CD109: variants seen among roughly 807,000 people sequenced by gnomAD.
The protein encoded by CD109 is CD109 antigen.
Under a neutral mutation model 165.8 loss-of-function variants are expected in CD109, and 149 were observed. That is an observed-to-expected ratio of 0.90 (90% CI 0.79 to 1.03). CD109 has a LOEUF of 1.03. Ranked by LOEUF, CD109 falls within the 50% of genes least tolerant of loss-of-function variation. The pLI, the probability that CD109 is intolerant of heterozygous loss-of-function variation, is 0.00. For missense variants in CD109, 1,712 were observed against 1,677.8 expected (o/e 1.02, Z -0.36); for synonymous variants, 585 against 592.1 (o/e 0.99, Z 0.18).
chr6:73,759,170 A>G (rs969565856), intron 7 of CD109, 142 bp downstream of exon 7: 25 of 612,478 alleles, frequency 4.1e-5, no homozygotes, highest in South Asian at 2.5e-4. Context: ...TTTATAATAA[A>G]TAATTAAGCA....
At chr6:73,767,053 C>T (rs1773881215) in intron 13 of CD109, 43 bp downstream of exon 13, 3 of 1,528,294 alleles carry the variant, frequency 2.0e-6, no homozygotes, top group Non-Finnish European at 2.7e-6. Context: ...ATTATAGAAT[C>T]ATCTTTTTAT....
intron 8 of CD109, 79 bp from the exon 9 acceptor site, chr6:73,762,662 T>C: frequency 1.7e-6 from 2 of 1,185,908 alleles, no homozygotes; most frequent in Non-Finnish European, 1.2e-6. Flanking sequence ...TATCATATTG[T>C]TGTGACTTAG....
At position 73,808,190 on chromosome 6, in the gene CD109, G is replaced by T; in HGVS notation, c.3297G>T (p.Val1099=). 2 of 1,613,486 alleles carry T rather than the reference G, an allele frequency of 1.2e-6. No homozygotes were observed. The highest frequency in any genetic ancestry group is 2.7e-5 in the African/African-American group (2 of 74,986). The part of the protein sequence containing the change: ...LALITYALSS[V]GSPKAKEALN... The stretch of plus-strand genomic sequence containing the variant: ...TTATAACTTATGCATTGTCATCAGT[G>T]GGGAGTCCTAAAGCGAAGGAAGCTT... Residue 1099 remains valine, a synonymous_variant, in exon 26 of 33, where the codon GTG becomes GTT. Coordinates refer to ENST00000287097, the MANE Select transcript of CD109 (RefSeq NM_133493.5).
chr6:73,806,803 A>T, intron 24 of CD109, 41 bp from the exon 25 acceptor site: 1 of 1,472,318 alleles, frequency 6.8e-7, no homozygotes, highest in Non-Finnish European at 9.4e-7. Context: ...GGTGGACCTT[A>T]TAAAGTGTAT....
chr6:73,736,655 G>C, intron 5 of CD109, 147 bp downstream of exon 5: 1 of 677,506 alleles, frequency 1.5e-6, no homozygotes, highest in Non-Finnish European at 2.3e-6. Flanking sequence ...TTTAATTTAT[G>C]ATGTTTATCA....
At chr6:73,761,072 A>ACACACACAC (rs1562051579) in intron 7 of CD109, among the ~76,000 whole-genome samples, 2 of 121,978 alleles carry the variant, frequency 1.6e-5, no homozygotes, top group African/African-American at 6.6e-5. Flanking sequence ...CACACACACA[A>ACACACACAC]ACCCAGAAAC....
intron 23 of CD109, among the ~76,000 whole-genome samples, chr6:73,795,185 C>T (rs772500315): frequency 9.7e-6 from 1 of 103,436 alleles, no homozygotes; most frequent in Admixed American, 1.0e-4. Context: ...ATTTGGCATA[C>T]ATTCTTTGGG....
intron 24 of CD109, among the ~76,000 whole-genome samples, 169 bp downstream of exon 24, chr6:73,803,470 A>G (rs1775452174): frequency 6.6e-6 from 1 of 152,180 alleles, no homozygotes; most frequent in Non-Finnish European, 1.5e-5. Flanking sequence ...TTATTTTCAA[A>G]CATTAACAAA....
At chr6:73,780,798 A>C (rs1373289709) in intron 16 of CD109, among the ~76,000 whole-genome samples, 1 of 120,286 alleles carries the variant, frequency 8.3e-6, no homozygotes, top group Non-Finnish European at 1.7e-5. Context: ...AATATATTTT[A>C]TGTATATATA....
At chr6:73,687,377 TTC>T in the CD109 span, among the ~76,000 whole-genome samples, 6 of 151,004 alleles carry the variant, frequency 4.0e-5, no homozygotes, top group Admixed American at 6.6e-5. Context: ...TCCTCTTTCT[TTC>T]TCTTTCTCCT....
intron 3 of CD109, 22 bp downstream of exon 3, chr6:73,723,301 T>C (rs1772028782): frequency 1.3e-6 from 2 of 1,597,004 alleles, no homozygotes; most frequent in East Asian, 4.5e-5. Flanking sequence ...TTTAAAAAAT[T>C]TGGTTTCAGA....
chr6:73,802,825 G>A lies in CD109; in HGVS notation c.2879-395G>A, dbSNP rs539231242. On this transcript the variant is annotated intron_variant, in intron 23 of 32. Coordinates refer to ENST00000287097, the MANE Select transcript of CD109 (RefSeq NM_133493.5). Reference sequence around the variant, plus strand: ...AGCGATTCTCCTGCCTCAGCCTCCCGAGTAGCTGGGATTACAGGCATGTGC... The same window carrying A: ...AGCGATTCTCCTGCCTCAGCCTCCCAAGTAGCTGGGATTACAGGCATGTGC... 4.0e-5 allele frequency among the ~76,000 whole-genome samples: 6 copies of A among 151,198 alleles called. No homozygotes were observed. The East Asian group carries it at 5.9e-4, about 15-fold the overall frequency.
intron 2 of CD109, among the ~76,000 whole-genome samples, chr6:73,706,578 C>T (rs768009757): frequency 6.6e-6 from 1 of 152,150 alleles, no homozygotes; most frequent in Non-Finnish European, 1.5e-5. Context: ...TGGTCTTGCT[C>T]TATCTCTTTC....
intron 2 of CD109, among the ~76,000 whole-genome samples, chr6:73,707,295 C>A (rs1771313335): frequency 6.6e-6 from 1 of 152,188 alleles, no homozygotes; most frequent in Non-Finnish European, 1.5e-5. Flanking sequence ...GAGGAATGGT[C>A]TAAGAGGAAC....
In CD109 at chr6:73,804,424, T is replaced by C. The variant is rs143621564; in HGVS notation, c.2960+1123T>C. Among the ~76,000 whole-genome samples, 85 of 152,344 alleles carry C rather than the reference T, an allele frequency of 5.6e-4. 1 individual carries two copies. The highest frequency in any genetic ancestry group is 2.0e-3 in the African/African-American group (82 of 41,584). On this transcript the variant is annotated intron_variant, in intron 24 of 32. Coordinates refer to ENST00000287097, the MANE Select transcript of CD109 (RefSeq NM_133493.5). ...CAGATTGTAAGTATTTCAGGCATTT[T>C]GGGCCACGTAGAGTCTCCGTTGCAT...
chr6:73,704,955 A>G (rs1365695070), intron 2 of CD109, among the ~76,000 whole-genome samples: 1 of 152,202 alleles, frequency 6.6e-6, no homozygotes, highest in Admixed American at 6.5e-5. Context: ...CCAGAGCTAT[A>G]CAGATGTCCA....
chr6:73,817,389 A>G (rs1775977579), intron 30 of CD109, among the ~76,000 whole-genome samples: 2 of 152,202 alleles, frequency 1.3e-5, no homozygotes, highest in Non-Finnish European at 2.9e-5. Flanking sequence ...TTAGTTCTCA[A>G]TAACATCTAT....
Position 73,747,887 on chromosome 6 carries a change from T to C in CD109, c.634-8756T>C, listed in dbSNP as rs990034343. Among the ~76,000 whole-genome samples, 3 of 151,880 alleles carry C rather than the reference T, an allele frequency of 2.0e-5. No homozygotes were observed. In the South Asian group the frequency reaches 6.2e-4, roughly 32 times the overall value. ...AATAAATATATTTCTTTCTTTCTTTTTTTTTTTTCCTACCCTGAGACAGAG... is the reference window on the plus strand; with the variant it reads ...AATAAATATATTTCTTTCTTTCTTTCTTTTTTTTCCTACCCTGAGACAGAG... On this transcript the variant is annotated intron_variant, in intron 5 of 32. Transcript: ENST00000287097.
rs1774673465 is a variant in CD109, at chr6:73,785,914, G to A, written c.2337+437G>A. Reference sequence around the variant, plus strand: ...GGCTGGAGTGCAGTGGCGTGATCTCGGCTCACTGCAACTTCCACCTCACAG... The same window carrying A: ...GGCTGGAGTGCAGTGGCGTGATCTCAGCTCACTGCAACTTCCACCTCACAG... On this transcript the variant is annotated intron_variant, in intron 20 of 32. Transcript: ENST00000287097. 2.0e-5 allele frequency among the ~76,000 whole-genome samples: 3 copies of A among 150,266 alleles called. No homozygotes were observed. In the South Asian group the frequency reaches 6.3e-4, roughly 32 times the overall value.
Sources: allele counts gnomAD v4.1 joint callset (sites outside exome capture counted in the v4.1 genomes callset), GRCh38; gene constraint gnomAD v4.1.1; transcripts MANE v1.5; gene names NCBI Gene and HGNC (gene_info 2026-07-23, HGNC 2026-07-21).